The following CAMK2D variants were observed in gnomAD, a reference collection of about 807,000 sequenced individuals.
The protein encoded by CAMK2D is calcium/calmodulin-dependent protein kinase type II subunit delta.
Under a neutral mutation model 84.0 loss-of-function variants are expected in CAMK2D, and 37 were observed. The ratio of observed to expected loss-of-function variants is 0.44; its 90% CI spans 0.34 to 0.58. The LOEUF (loss-of-function observed/expected upper bound fraction) is 0.58, where lower values mean the gene tolerates loss of function less well. Among genes scored for constraint, CAMK2D ranks in the 20% least tolerant of loss-of-function variants. The pLI, the probability that CAMK2D is intolerant of heterozygous loss-of-function variation, is 0.02. For missense variants in CAMK2D, 448 were observed against 652.5 expected (o/e 0.69, Z 3.41); for synonymous variants, 202 against 212.5 (o/e 0.95, Z 0.43).
chr4:113,688,757 T>G (rs1699468931), intron 2 of CAMK2D, among the ~76,000 whole-genome samples: 1 of 152,068 alleles, frequency 6.6e-6, no homozygotes, highest in Non-Finnish European at 1.5e-5. Flanking sequence ...GCTTTCCAGT[T>G]TCCACTAAAC....
chr4:113,561,719 G>C (rs745612900), intron 4 of CAMK2D, among the ~76,000 whole-genome samples: 2 of 152,206 alleles, frequency 1.3e-5, no homozygotes, highest in African/African-American at 4.8e-5. Flanking sequence ...GTCTGAGATA[G>C]TAATACCATT....
At chr4:113,596,168 G>A (rs1469085487) in intron 4 of CAMK2D, among the ~76,000 whole-genome samples, 1 of 152,168 alleles carries the variant, frequency 6.6e-6, no homozygotes, top group Non-Finnish European at 1.5e-5. Flanking sequence ...TTCATAAGAA[G>A]CAACTCCTCA....
intron 3 of CAMK2D, among the ~76,000 whole-genome samples, chr4:113,651,207 CTAAA>C (rs1441147904): frequency 6.6e-6 from 1 of 152,090 alleles, no homozygotes; most frequent in African/African-American, 2.4e-5. Flanking sequence ...GACTTCTAAA[CTAAA>C]TAATAAAATT....
chr4:113,543,953 C>G (rs1019101006), intron 6 of CAMK2D, among the ~76,000 whole-genome samples: 3 of 151,766 alleles, frequency 2.0e-5, no homozygotes, highest in Non-Finnish European at 4.4e-5. Context: ...CACCACGCCC[C>G]GCTAATTTTT....
chr4:113,565,332 C>T (rs2098717425), intron 4 of CAMK2D, among the ~76,000 whole-genome samples: 1 of 152,064 alleles, frequency 6.6e-6, no homozygotes, highest in Admixed American at 6.5e-5. Flanking sequence ...CTGCCAAATG[C>T]TTAGAAGAGT....
intron 2 of CAMK2D, among the ~76,000 whole-genome samples, chr4:113,748,091 AG>A (rs967661149): frequency 1.3e-5 from 2 of 152,086 alleles, no homozygotes; most frequent in Non-Finnish European, 2.9e-5. Context: ...CAGCTCCTCT[AG>A]GAAGTTTTCC....
At chr4:113,698,540 T>C (rs1210223258) in intron 2 of CAMK2D, among the ~76,000 whole-genome samples, 1 of 152,178 alleles carries the variant, frequency 6.6e-6, no homozygotes, top group Non-Finnish European at 1.5e-5. Flanking sequence ...ATTATTATCT[T>C]ACACACTTTT....
chr4:113,633,726 G>T (rs1041047620), intron 3 of CAMK2D, among the ~76,000 whole-genome samples: 1 of 152,132 alleles, frequency 6.6e-6, no homozygotes, highest in Non-Finnish European at 1.5e-5. Flanking sequence ...TACCAGCTCA[G>T]CCACTTACTG....
intron 3 of CAMK2D, among the ~76,000 whole-genome samples, chr4:113,625,754 A>G (rs1475304758): frequency 6.6e-6 from 1 of 152,134 alleles, no homozygotes; most frequent in East Asian, 1.9e-4. Flanking sequence ...CTAGATGGGA[A>G]TTCACTGTAG....
At chr4:113,716,162 A>G (rs1269385087) in intron 2 of CAMK2D, among the ~76,000 whole-genome samples, 2 of 152,206 alleles carry the variant, frequency 1.3e-5, no homozygotes, top group African/African-American at 4.8e-5. Flanking sequence ...TTGCTGTACT[A>G]GTTAAATTTA....
chr4:113,589,035 C>T (rs935861050), intron 4 of CAMK2D, among the ~76,000 whole-genome samples: 3 of 152,142 alleles, frequency 2.0e-5, no homozygotes, highest in African/African-American at 7.2e-5. Context: ...GAGAGGAACA[C>T]TCAGGGCCAA....
chr4:113,507,429 G>GTTTGT (rs1451342538), intron 13 of CAMK2D, among the ~76,000 whole-genome samples: 3 of 120,286 alleles, frequency 2.5e-5, no homozygotes, highest in Non-Finnish European at 5.6e-5. Context: ...TCTGTTTTTT[G>GTTTGT]TTTGTTTGTT....
intron 2 of CAMK2D, among the ~76,000 whole-genome samples, chr4:113,678,884 C>T (rs370137940): frequency 6.6e-6 from 1 of 152,184 alleles, no homozygotes; most frequent in East Asian, 1.9e-4. Context: ...ATAAAATGAA[C>T]ACACATGTGA....
At chr4:113,558,608 C>T (rs573489711) in intron 4 of CAMK2D, among the ~76,000 whole-genome samples, 1 of 152,086 alleles carries the variant, frequency 6.6e-6, no homozygotes, top group Non-Finnish European at 1.5e-5. Context: ...AGAGGGTCCT[C>T]GATTCAATCT....
At chr4:113,463,356 C>T (rs1204457472) in intron 17 of CAMK2D, among the ~76,000 whole-genome samples, 2 of 152,058 alleles carry the variant, frequency 1.3e-5, no homozygotes, top group African/African-American at 2.4e-5. Flanking sequence ...TTTCATTCCA[C>T]TTTTAATACT....
chr4:113,537,308 T>C (rs1235888082), intron 7 of CAMK2D, 33 bp downstream of exon 7: 2 of 1,115,122 alleles, frequency 1.8e-6, no homozygotes, highest in African/African-American at 1.5e-5. Flanking sequence ...GCCAGAAGAC[T>C]ATAGGTAGCA....
chr4:113,494,820 A>T (rs1260022937), intron 16 of CAMK2D, among the ~76,000 whole-genome samples: 1 of 152,236 alleles, frequency 6.6e-6, no homozygotes, highest in African/African-American at 2.4e-5. Flanking sequence ...CCTCCGAGCC[A>T]GGTGCGGGAT....
At chr4:113,643,420 A>G (rs549883831) in intron 3 of CAMK2D, among the ~76,000 whole-genome samples, 17 of 152,356 alleles carry the variant, frequency 1.1e-4, no homozygotes, top group African/African-American at 3.4e-4. Context: ...CATGCACCCA[A>G]ATTTAAAGTG....
intron 12 of CAMK2D, among the ~76,000 whole-genome samples, chr4:113,511,958 T>C (rs1217337393): frequency 6.6e-6 from 1 of 152,226 alleles, no homozygotes; most frequent in Non-Finnish European, 1.5e-5. Flanking sequence ...TTGAAGAGCA[T>C]TTAATAATGA....
Sources: allele counts gnomAD v4.1 joint callset (sites outside exome capture counted in the v4.1 genomes callset), GRCh38; gene constraint gnomAD v4.1.1; transcripts MANE v1.5; gene names NCBI Gene and HGNC (gene_info 2026-07-23, HGNC 2026-07-21).